The following PLCB1 variants were observed in gnomAD, a reference collection of about 807,000 sequenced individuals.
PLCB1 encodes the protein phospholipase C beta 1, also known as 1-phosphatidylinositol 4,5-bisphosphate phosphodiesterase beta-1.
PLCB1 carries 46 observed loss-of-function variants against 161.8 expected under a neutral mutation model. The ratio of observed to expected loss-of-function variants is 0.28; its 90% confidence interval spans 0.22 to 0.36. The LOEUF (loss-of-function observed/expected upper bound fraction) is 0.36, where lower values mean the gene tolerates loss of function less well. PLCB1 is among the 10% of genes least tolerant of loss of function. The pLI, the probability that PLCB1 is intolerant of heterozygous loss-of-function variation, is 1.00. For missense variants in PLCB1, 1,016 were observed against 1,472.5 expected, an observed-to-expected ratio of 0.69 and a Z score of 5.07; for synonymous variants, 517 against 503.7, an observed-to-expected ratio of 1.03 and a Z score of -0.35.
chr20:8,240,305 C>CAT (rs1555792317), intron 2 of PLCB1, among the ~76,000 whole-genome samples: 96 of 146,978 alleles, frequency 6.5e-4, no homozygotes, highest in African/African-American at 2.5e-3. Context: ...CACACACACA[C>CAT]GCACACACAC....
chr20:8,317,108 C>T (rs1281309300), intron 2 of PLCB1, among the ~76,000 whole-genome samples: 1 of 152,040 alleles, frequency 6.6e-6, no homozygotes, highest in Non-Finnish European at 1.5e-5. Context: ...GGGAGAAGAG[C>T]TGGGAGGCCA....
intron 3 of PLCB1, among the ~76,000 whole-genome samples, chr20:8,507,345 A>T (rs544742139): frequency 6.6e-6 from 1 of 152,316 alleles, no homozygotes; most frequent in South Asian, 2.1e-4. Context: ...ATTTCTTAGT[A>T]ATAAACCCTT....
intron 3 of PLCB1, among the ~76,000 whole-genome samples, chr20:8,422,903 T>C (rs708912): frequency 0.26 from 39,121 of 152,066 alleles, 5,390 homozygotes; most frequent in East Asian, 0.39. Flanking sequence ...TGTGCCTTAG[T>C]TTCCCTATTT....
rs552358728 is a variant in PLCB1, at chr20:8,191,627, A to G, written c.177+41256A>G. Reference sequence around the variant, plus strand: ...TAGAGAGAAACAAAAATGAAAATGAATGACTACTATTCCAAAATGCGAACG... The same window carrying G: ...TAGAGAGAAACAAAAATGAAAATGAGTGACTACTATTCCAAAATGCGAACG... On this transcript the variant is annotated intron_variant, in intron 2 of 31. Transcript: ENST00000338037. Among the ~76,000 whole-genome samples, 4 of 152,194 alleles carry G rather than the reference A, an allele frequency of 2.6e-5. 1 individual carries two copies. Among genetic ancestry groups the G allele is most frequent in the African/African-American group, 7.2e-5 (3 of 41,550 alleles).
Position 8,756,925 on chromosome 20 carries a change from T to G in PLCB1, c.2524-121T>G. 4 of 919,682 alleles carry G rather than the reference T, an allele frequency of 4.3e-6. No individual in the cohort carries two copies. The South Asian group carries it at 7.7e-5, about 18-fold the overall frequency. 57.0% of individuals were successfully genotyped at this position (919,682 alleles called of 1,614,324 possible). On this transcript the variant is annotated intron_variant, in intron 23 of 31. Transcript: ENST00000338037. ...ACCCTGCTTTCCAGGGAGTATCAAA[T>G]TTGATATTTCCAACTCCAAAAGAAT...
intron 5 of PLCB1, 128 bp from the exon 6 acceptor site, chr20:8,647,772 A>G: frequency 1.4e-6 from 1 of 696,786 alleles, no homozygotes; most frequent in Non-Finnish European, 2.5e-6. Context: ...AACTGTGGAG[A>G]CTTGGGCAGT....
chr20:8,761,238 A>G (rs1982007779), intron 25 of PLCB1, among the ~76,000 whole-genome samples: 1 of 152,236 alleles, frequency 6.6e-6, no homozygotes, highest in Non-Finnish European at 1.5e-5. Context: ...CATATACACC[A>G]ACTTCAAAGA....
At chr20:8,334,224 A>G (rs1445236673) in intron 2 of PLCB1, among the ~76,000 whole-genome samples, 1 of 152,124 alleles carries the variant, frequency 6.6e-6, no homozygotes, top group African/African-American at 2.4e-5. Flanking sequence ...AAAAAAAGAA[A>G]GAAAAGAAAA....
At chr20:8,821,852 A>G (rs1352221574) in intron 31 of PLCB1, among the ~76,000 whole-genome samples, 3 of 151,828 alleles carry the variant, frequency 2.0e-5, no homozygotes, top group Admixed American at 1.3e-4. Flanking sequence ...AGTGTGCACT[A>G]TACTTCCACT....
chr20:8,588,554 T>A (rs1397800212), intron 3 of PLCB1, among the ~76,000 whole-genome samples: 2 of 152,006 alleles, frequency 1.3e-5, no homozygotes, highest in Non-Finnish European at 2.9e-5. Context: ...GAGACTGGTG[T>A]CCTTATAAGA....
chr20:8,821,102 A>C (rs1055576191), intron 31 of PLCB1, among the ~76,000 whole-genome samples: 20 of 152,122 alleles, frequency 1.3e-4, no homozygotes, highest in African/African-American at 4.6e-4. Flanking sequence ...TCTTATGACT[A>C]TTTTACCCTC....
intron 3 of PLCB1, among the ~76,000 whole-genome samples, chr20:8,476,943 T>G (rs1164522361): frequency 2.6e-5 from 4 of 152,210 alleles, no homozygotes; most frequent in African/African-American, 9.6e-5. Flanking sequence ...TTCCTTACCA[T>G]GATGGATTAT....
intron 2 of PLCB1, among the ~76,000 whole-genome samples, chr20:8,343,854 G>C (rs981136477): frequency 1.3e-5 from 2 of 152,178 alleles, no homozygotes; most frequent in Admixed American, 6.5e-5. Context: ...AGAGTGATGT[G>C]TGCAAACTTT....
At chr20:8,876,283 GTCTT>G (rs1440751764) in intron 31 of PLCB1, among the ~76,000 whole-genome samples, 6 of 152,092 alleles carry the variant, frequency 3.9e-5, no homozygotes, top group Admixed American at 2.6e-4. Context: ...ATGTTCTTTC[GTCTT>G]TCTTGTTCAT....
intron 2 of PLCB1, among the ~76,000 whole-genome samples, chr20:8,156,050 G>A (rs1350791066): frequency 1.3e-5 from 2 of 152,216 alleles, no homozygotes; most frequent in South Asian, 2.1e-4. Flanking sequence ...AACAGACACA[G>A]TGCCATACCC....
At chr20:8,424,314 T>A (rs1450509499) in intron 3 of PLCB1, among the ~76,000 whole-genome samples, 1 of 152,216 alleles carries the variant, frequency 6.6e-6, no homozygotes, top group East Asian at 1.9e-4. Context: ...TGTTTATTTT[T>A]AGGGGTCTCA....
chr20:8,170,879 C>T (rs747472948), intron 2 of PLCB1, among the ~76,000 whole-genome samples: 2 of 152,070 alleles, frequency 1.3e-5, no homozygotes, highest in Non-Finnish European at 2.9e-5. Flanking sequence ...GCTTAGTTGA[C>T]CATCTGATTA....
At chr20:8,259,885 T>C (rs1037942801) in intron 2 of PLCB1, among the ~76,000 whole-genome samples, 9 of 152,176 alleles carry the variant, frequency 5.9e-5, no homozygotes, top group African/African-American at 2.2e-4. Flanking sequence ...AATCATTACA[T>C]TGATTTTCCT....
chr20:8,511,761 C>A (rs1339630202), intron 3 of PLCB1, among the ~76,000 whole-genome samples: 2 of 152,068 alleles, frequency 1.3e-5, no homozygotes, highest in Non-Finnish European at 2.9e-5. Context: ...ATTTTAATTT[C>A]TCTGACAATT....
Sources: allele counts gnomAD v4.1 joint callset (sites outside exome capture counted in the v4.1 genomes callset), GRCh38; gene constraint gnomAD v4.1.1; transcripts MANE v1.5; gene names NCBI Gene and HGNC (gene_info 2026-07-23, HGNC 2026-07-21).